The following PRR14L variants were observed in gnomAD, a reference collection of about 807,000 sequenced individuals.
PRR14L encodes proline rich 14 like, also known as protein PRR14L.
PRR14L carries 80 observed loss-of-function variants against 155.0 expected under a neutral mutation model. The observed-to-expected ratio is 0.52, with a 90% confidence interval of 0.43 to 0.62. The LOEUF (loss-of-function observed/expected upper bound fraction) is 0.62. Among genes scored for constraint, PRR14L ranks in the 20% least tolerant of loss-of-function variants. The pLI, the probability that PRR14L is intolerant of heterozygous loss-of-function variation, is 0.00. For synonymous variants in PRR14L, 883 were observed against 916.0 expected (o/e 0.96, Z 0.65); for missense variants, 2,469 against 2,548.0 (o/e 0.97, Z 0.67).
chr22:31,738,543 C>G lies in PRR14L; in HGVS notation c.318G>C (p.Gly106=). 6.4e-7 allele frequency: 1 copy of G among 1,552,024 alleles called. No individual in the cohort carries two copies. The highest frequency in any genetic ancestry group is 1.2e-5 in the South Asian group (1 of 84,060). ...DSTAGGSVAS[G]ILDRAKRSES... The stretch of plus-strand genomic sequence containing the variant: ...CGCTTCTCTTTGCCCTATCCAAGAT[C>G]CCAGATGCCACAGAACCTCCTGCTG... Residue 106 remains glycine, a synonymous_variant, in exon 2 of 9, where the codon GGG becomes GGC. Coordinates refer to ENST00000327423, the MANE Select transcript of PRR14L (RefSeq NM_173566.3).
intron 6 of PRR14L, among the ~76,000 whole-genome samples, chr22:31,703,269 T>C (rs1208517817): frequency 6.6e-6 from 1 of 152,216 alleles, no homozygotes; most frequent in Non-Finnish European, 1.5e-5. Flanking sequence ...CTCATCTTCT[T>C]TGAATGCACA....
chr22:31,705,994 C>A (rs1452548371), intron 4 of PRR14L, among the ~76,000 whole-genome samples: 2 of 150,560 alleles, frequency 1.3e-5, no homozygotes, highest in East Asian at 4.0e-4. Flanking sequence ...GAGGGAGACT[C>A]TGTCTCAAAA....
chr22:31,705,632 A>T (rs2074586808), intron 4 of PRR14L, among the ~76,000 whole-genome samples: 1 of 151,848 alleles, frequency 6.6e-6, no homozygotes, highest in South Asian at 2.1e-4. Context: ...TTAAATTCCC[A>T]AAGTGCTGGC....
intron 1 of PRR14L, among the ~76,000 whole-genome samples, chr22:31,741,424 T>G (rs1922034665): frequency 6.6e-6 from 1 of 151,644 alleles, no homozygotes; most frequent in African/African-American, 2.4e-5. Context: ...ATCTTGCTAC[T>G]GCACTCCAGC....
chr22:31,708,089 C>T (rs8138481), intron 4 of PRR14L, among the ~76,000 whole-genome samples: 1 of 151,720 alleles, frequency 6.6e-6, no homozygotes, highest in Non-Finnish European at 1.5e-5. Flanking sequence ...GCAGAGGTTG[C>T]GGTGAGCTGA....
intron 7 of PRR14L, among the ~76,000 whole-genome samples, chr22:31,691,970 C>A (rs1055839736): frequency 6.6e-6 from 1 of 151,858 alleles, no homozygotes; most frequent in African/African-American, 2.4e-5. Flanking sequence ...TGCGTTAAGG[C>A]AATTCTCCTG....
chr22:31,710,546 G>A (rs1024205903), intron 4 of PRR14L, among the ~76,000 whole-genome samples: 4 of 151,398 alleles, frequency 2.6e-5, no homozygotes, highest in Non-Finnish European at 5.9e-5. Flanking sequence ...TCTGCCTCCC[G>A]GGTTCATGCC....
In PRR14L at chr22:31,713,654, C is replaced by T. The variant is rs3804090; in HGVS notation, c.4185G>A (p.Leu1395=). Residue 1395 remains leucine (L), a synonymous_variant, in exon 4 of 9, where the codon TTG becomes TTA. Coordinates refer to ENST00000327423, the MANE Select transcript of PRR14L (RefSeq NM_173566.3). The part of the protein sequence containing the change: ...HAEKQQSPEV[L]DYMLQKEEKY... ...TCTCTTCTTTCTGCAACATGTAGTCCAAAACCTCAGGGCTCTGCTGTTTTT... is the reference window on the plus strand; with the variant it reads ...TCTCTTCTTTCTGCAACATGTAGTCTAAAACCTCAGGGCTCTGCTGTTTTT... The T allele has an allele frequency of 6.4e-7, 1 of 1,551,944 alleles. No homozygotes were observed. Among genetic ancestry groups the T allele is most frequent in the Non-Finnish European group, 8.7e-7 (1 of 1,147,058 alleles).
intron 2 of PRR14L, among the ~76,000 whole-genome samples, chr22:31,728,312 C>T (rs2074728968): frequency 6.6e-6 from 1 of 152,026 alleles, no homozygotes; most frequent in Non-Finnish European, 1.5e-5. Flanking sequence ...TTCAGGATTC[C>T]TAAAGTTAAG....
intron 1 of PRR14L, among the ~76,000 whole-genome samples, chr22:31,748,961 T>C (rs2074855976): frequency 6.6e-6 from 1 of 152,008 alleles, no homozygotes; most frequent in African/African-American, 2.4e-5. Flanking sequence ...TCCACTCCAG[T>C]GAGAAAGGAT....
Position 31,713,305 on chromosome 22 carries a change from T to C in PRR14L, c.4534A>G (p.Lys1512Glu), listed in dbSNP as rs775983221. The change falls in exon 4 of 9, where the codon AAG (lysine) becomes GAG (glutamate). Residue 1512 changes from lysine (K) to glutamate (E), a missense_variant. By Grantham distance (56) the Lys-to-Glu change is moderately conservative. This residue lies in a region of PRR14L where 2,363 missense variants were observed against 2,371.6 expected (regional missense o/e 1.00). Transcript: ENST00000327423. ...TTCTTTAAGGGAAGAACTCCTTTCT[T>C]CGCAAAGGCACCATGTATTTGATCA... ...GCDQIHGAFA[K>E]KGVLPLKKQP... 2.5e-5 allele frequency: 39 copies of C among 1,552,154 alleles called. No individual in the cohort carries two copies. Among genetic ancestry groups the C allele is most frequent in the Non-Finnish European group, 3.2e-5 (37 of 1,147,130 alleles).
At chr22:31,740,436 T>C (rs185624634) in intron 1 of PRR14L, among the ~76,000 whole-genome samples, 1 of 152,284 alleles carries the variant, frequency 6.6e-6, no homozygotes, top group Non-Finnish European at 1.5e-5. Context: ...GCCAGGCTGG[T>C]CTTGAACTCC....
At chr22:31,735,314 G>A (rs182267513) in intron 2 of PRR14L, among the ~76,000 whole-genome samples, 66 of 152,170 alleles carry the variant, frequency 4.3e-4, no homozygotes, top group East Asian at 2.9e-3. Flanking sequence ...CATGGCGGGC[G>A]CCTGTAGTCC....
intron 3 of PRR14L, among the ~76,000 whole-genome samples, chr22:31,725,183 C>T (rs2074709866): frequency 6.6e-6 from 1 of 152,026 alleles, no homozygotes; most frequent in Admixed American, 6.6e-5. Flanking sequence ...TCACTTGAGC[C>T]CAGGAGTTCG....
At chr22:31,736,368 A>G (rs2074781615) in intron 2 of PRR14L, among the ~76,000 whole-genome samples, 2 of 151,632 alleles carry the variant, frequency 1.3e-5, no homozygotes, top group South Asian at 4.2e-4. Context: ...CCTGGGCAAT[A>G]AGAGCGAAAC....
intron 2 of PRR14L, among the ~76,000 whole-genome samples, chr22:31,736,486 C>A (rs1228674458): frequency 6.6e-6 from 1 of 151,898 alleles, no homozygotes; most frequent in Non-Finnish European, 1.5e-5. Context: ...CTGTATGAAG[C>A]CCACTAACAA....
Position 31,738,738 on chromosome 22 carries a change from C to A in PRR14L, c.123G>T (p.Glu41Asp). 3 of 1,551,898 alleles carry A rather than the reference C, an allele frequency of 1.9e-6. No individual in the cohort carries two copies. Among genetic ancestry groups the A allele is most frequent in the Non-Finnish European group, 2.6e-6 (3 of 1,147,050 alleles). The change falls in exon 2 of 9, where the codon GAG becomes GAT. Residue 41 changes from glutamate (E) to aspartate (D), a missense_variant. Transcript: ENST00000327423. ...GTTTTACATCTGGAATCACACTTGG[C>A]TCAGGGTCAGCATGAAGCTCTCTGG... ...SVSRELHADP[E>D]PSVIPDVKPG...
chr22:31,723,464 G>A (rs2074701564), intron 3 of PRR14L, among the ~76,000 whole-genome samples: 1 of 152,164 alleles, frequency 6.6e-6, no homozygotes, highest in African/African-American at 2.4e-5. Flanking sequence ...TGAAAGTGTA[G>A]TTCAACAGAC....
Position 31,750,087 on chromosome 22 carries a change from C to A in PRR14L, c.-146G>T, listed in dbSNP as rs2074865775. 1 of 152,564 alleles carries A rather than the reference C, an allele frequency of 6.6e-6. No homozygotes were observed. Among genetic ancestry groups the A allele is most frequent in the Admixed American group, 6.5e-5 (1 of 15,294 alleles). The allele number at this position is 152,564 out of a possible 1,614,324, so 9.5% of individuals were successfully genotyped here. A position where few individuals can be genotyped will look rare whatever the true frequency, so the allele number is the denominator to read the frequency against. The stretch of plus-strand genomic sequence containing the variant: ...CCAGGTCTACCTGAGCCTACGGAGC[C>A]GACAGAGGCCGGGGGCGCTCCGGCC... On this transcript the variant is annotated 5_prime_UTR_variant, in exon 1 of 9. Coordinates refer to ENST00000327423, the MANE Select transcript of PRR14L (RefSeq NM_173566.3).
Sources: gnomAD v4.1 joint callset for allele counts (sites outside exome capture counted in the v4.1 genomes callset) on GRCh38, gnomAD v4.1.1 for gene constraint, gnomAD v4.1.1 regional missense constraint, MANE v1.5 for transcripts, NCBI Gene and HGNC (gene_info 2026-07-23, HGNC 2026-07-21) for gene names.